Variants in UTP20 observed in about 807,000 individuals in gnomAD.
UTP20 encodes small subunit processome component 20 homolog.
In UTP20, 164 loss-of-function variants were observed where a neutral mutation model predicts 329.5. That is an observed-to-expected ratio of 0.50 (90% CI 0.44 to 0.57). The LOEUF (loss-of-function observed/expected upper bound fraction) is 0.57. UTP20 is among the 20% of genes least tolerant of loss of function. The pLI is 0.00. For missense variants in UTP20, 3,055 were observed against 3,284.2 expected, an observed-to-expected ratio of 0.93 and a Z score of 1.71; for synonymous variants, 1,151 against 1,159.3, an observed-to-expected ratio of 0.99 and a Z score of 0.14.
At position 101,314,658 on chromosome 12, in the gene UTP20, A is replaced by AG. The variant is rs200656435; in HGVS notation, c.2552+2382_2552+2383insG. On this transcript the variant is annotated intron_variant, in intron 21 of 61. Coordinates refer to ENST00000261637, the MANE Select transcript of UTP20 (RefSeq NM_014503.3). ...GGGCGACAGAGCGAGACTCTGTCTCAAAAAAAAAAAAGAAGCTCAAGAAAG... is the reference window on the plus strand; with the variant it reads ...GGGCGACAGAGCGAGACTCTGTCTCAGAAAAAAAAAAAGAAGCTCAAGAAAG... Among the ~76,000 whole-genome samples the AG allele has an allele frequency of 9.1e-5, 10 of 110,396 alleles. No individual in the cohort carries two copies. In the East Asian group the frequency reaches 6.6e-3, roughly 73 times the overall value. The allele number at this position is 110,396 out of a possible 152,430, so 72.4% of individuals were successfully genotyped here.
Position 101,373,725 on chromosome 12 carries a change from T to C in UTP20, c.7089T>C (p.Asp2363=). The change falls in exon 54 of 62, where the codon GAT becomes GAC. Residue 2363 remains aspartate (D), a synonymous_variant. Transcript: ENST00000261637. ...GTAAAATCAGCCTCGAGAAAAAAGATTGGCTGTTTGATATGGTTACCACTT... is the reference window on the plus strand; with the variant it reads ...GTAAAATCAGCCTCGAGAAAAAAGACTGGCTGTTTGATATGGTTACCACTT... ...LLGKISLEKK[D]WLFDMVTTWF... 1.2e-6 allele frequency: 2 copies of C among 1,611,726 alleles called. No homozygotes were observed. The highest frequency in any genetic ancestry group is 1.1e-5 in the South Asian group (1 of 90,222).
At chr12:101,377,704 A>T (rs7955776) in intron 56 of UTP20, among the ~76,000 whole-genome samples, 20,247 of 152,032 alleles carry the variant, frequency 0.13, 3,080 homozygotes, top group East Asian at 0.47. Context: ...TTGGGTCTCA[A>T]TGGAGTGGTG....
At chr12:101,368,028 T>C in intron 48 of UTP20, 52 bp downstream of exon 48, 1 of 1,297,298 alleles carries the variant, frequency 7.7e-7, no homozygotes, top group South Asian at 1.2e-5. Flanking sequence ...TCAGAAGAAC[T>C]ATGTTTTGCA....
At chr12:101,345,520 A>G (rs768335616) in intron 36 of UTP20, 34 bp from the exon 37 acceptor site, 1 of 1,349,550 alleles carries the variant, frequency 7.4e-7, no homozygotes, top group Non-Finnish European at 1.0e-6. Flanking sequence ...TTCTTTTTAA[A>G]ATAAAATGTT....
intron 14 of UTP20, among the ~76,000 whole-genome samples, chr12:101,301,322 C>G (rs1224116758): frequency 1.3e-5 from 2 of 148,220 alleles, no homozygotes; most frequent in Non-Finnish European, 3.0e-5. Flanking sequence ...GAGTTCAAGA[C>G]CAGCTTGGGA....
chr12:101,312,438 T>C (rs968402560), intron 21 of UTP20, among the ~76,000 whole-genome samples, 162 bp downstream of exon 21: 8 of 152,150 alleles, frequency 5.3e-5, no homozygotes, highest in Non-Finnish European at 1.2e-4. Context: ...TTTGTTTTTG[T>C]TTTTGTTTTG....
At chr12:101,327,384 G>A (rs1593434484) in intron 26 of UTP20, 137 bp downstream of exon 26, 2 of 858,898 alleles carry the variant, frequency 2.3e-6, no homozygotes, top group East Asian at 5.6e-5. Context: ...TCTTTTTGCT[G>A]AAGTGCAACT....
Position 101,334,515 on chromosome 12 carries a change from T to G in UTP20, c.3641+11T>G. On this transcript the variant is annotated intron_variant, in intron 29 of 61. Transcript: ENST00000261637. ...GAGCAGAAACGCAAGGTATAACCTT[T>G]CTTTTTTCCTTCTTTAAAAAGGGCA... 6.2e-7 allele frequency: 1 copy of G among 1,604,702 alleles called. No homozygotes were observed. Among genetic ancestry groups the G allele is most frequent in the South Asian group, 1.1e-5 (1 of 89,866 alleles).
At chr12:101,296,135 G>A (rs985172279) in intron 12 of UTP20, among the ~76,000 whole-genome samples, 1 of 152,238 alleles carries the variant, frequency 6.6e-6, no homozygotes, top group African/African-American at 2.4e-5. Context: ...ATCATCAGTT[G>A]TATGTGCACT....
rs749696639 is a variant in UTP20, at chr12:101,308,228, G to A, written c.2039G>A (p.Arg680His). The A allele has an allele frequency of 8.7e-6, 14 of 1,612,252 alleles. No homozygotes were observed. In the South Asian group the frequency reaches 8.8e-5, roughly 10 times the overall value. Reference protein sequence around the residue: ...SERQSVFAILRQAELVPATVN... With the variant: ...SERQSVFAILHQAELVPATVN... ...CGGCAGTCTGTCTTTGCTATATTAC[G>A]CCAGGCAGAACTTGTTCCAGCAACT... Residue 680 changes from arginine to histidine, a missense_variant, in exon 18 of 62, where the codon CGC becomes CAC. Coordinates refer to ENST00000261637, the MANE Select transcript of UTP20 (RefSeq NM_014503.3).
At position 101,290,189 on chromosome 12, in the gene UTP20, A is replaced by T. The variant is rs1225866719; in HGVS notation, c.650A>T (p.His217Leu). The change falls in exon 7 of 62, where the codon CAT (histidine) becomes CTT (leucine). Residue 217 changes from histidine to leucine, a missense_variant. By Grantham distance (99) the His-to-Leu change is moderately conservative. Coordinates refer to ENST00000261637, the MANE Select transcript of UTP20 (RefSeq NM_014503.3). ...TTAATGTTTCTTGATCTTGATAAAC[A>T]TCCAGAAAAAGTTGAAGGTGTTGGA... ...FNLMFLDLDK[H>L]PEKVEGVGQL... is the part of the protein sequence containing the mutation. 1 of 1,609,400 alleles carries T rather than the reference A, an allele frequency of 6.2e-7. No individual in the cohort carries two copies. Among genetic ancestry groups the T allele is most frequent in the Non-Finnish European group, 8.5e-7 (1 of 1,177,740 alleles).
chr12:101,343,338 T>A (rs34288712), intron 35 of UTP20, among the ~76,000 whole-genome samples: 19,623 of 152,126 alleles, frequency 0.13, 1,436 homozygotes, highest in Middle Eastern at 0.23. Context: ...AGTTATGTAT[T>A]AGAATAGGGA....
In UTP20 at chr12:101,356,938, A is replaced by T; in HGVS notation, c.5547A>T (p.Lys1849Asn). ...MEANLPSILL[K>N]VCALLKNRAQ... Reference sequence around the variant, plus strand: ...TCTCATTTTCTAGTATTTTGCTGAAAGTGTGTGCCCTACTCAAGAACAGAG... The same window carrying T: ...TCTCATTTTCTAGTATTTTGCTGAATGTGTGTGCCCTACTCAAGAACAGAG... The change falls in exon 43 of 62, where the codon AAA (lysine) becomes AAT (asparagine). Residue 1849 changes from lysine to asparagine, a missense_variant. Coordinates refer to ENST00000261637, the MANE Select transcript of UTP20 (RefSeq NM_014503.3). 1 of 1,601,734 alleles carries T rather than the reference A, an allele frequency of 6.2e-7. No homozygotes were observed. The highest frequency in any genetic ancestry group is 8.5e-7 in the Non-Finnish European group (1 of 1,176,896).
intron 45 of UTP20, among the ~76,000 whole-genome samples, chr12:101,364,583 A>G (rs1005800771): frequency 1.3e-5 from 2 of 152,214 alleles, no homozygotes; most frequent in African/African-American, 4.8e-5. Context: ...CCTGAAGATC[A>G]GGGAATGTAA....
chr12:101,283,217 A>T (rs1871854779), intron 2 of UTP20, among the ~76,000 whole-genome samples: 1 of 152,200 alleles, frequency 6.6e-6, no homozygotes, highest in Non-Finnish European at 1.5e-5. Flanking sequence ...AAGGCAGAGA[A>T]GACAGCCTGA....
At position 101,383,832 on chromosome 12, in the gene UTP20, T is replaced by TTA. The variant is rs67382207; in HGVS notation, c.8056+172_8056+173dup. Among the ~76,000 whole-genome samples the TTA allele has an allele frequency of 4.3e-3, 635 of 146,474 alleles. 5 individuals carry two copies. Among genetic ancestry groups the TTA allele is most frequent in the African/African-American group, 0.015 (590 of 39,802 alleles). On this transcript the variant is annotated intron_variant, in intron 60 of 61. Transcript: ENST00000261637. Reference sequence around the variant, plus strand: ...ATTATATACTTATATATGTTTATATTTATATATATACACACACACACACAC... The same window carrying TTA: ...ATTATATACTTATATATGTTTATATTTATATATATATACACACACACACACAC...
At chr12:101,309,719 T>A (rs766804395) in intron 18 of UTP20, 44 bp from the exon 19 acceptor site, 32 of 1,576,984 alleles carry the variant, frequency 2.0e-5, no homozygotes, top group Non-Finnish European at 2.7e-5. Flanking sequence ...TGTTCTATAC[T>A]GTATTTCATT....
chr12:101,324,857 A>C (rs1178755352), intron 25 of UTP20, among the ~76,000 whole-genome samples: 1 of 152,136 alleles, frequency 6.6e-6, no homozygotes, highest in Non-Finnish European at 1.5e-5. Context: ...GTAGTCTTTC[A>C]ATAAAGTGTT....
chr12:101,281,042 C>G (rs1871780195), intron 1 of UTP20, 74 bp from the exon 2 acceptor site: 1 of 1,261,598 alleles, frequency 7.9e-7, no homozygotes, highest in African/African-American at 1.5e-5. Context: ...TGCCTACATG[C>G]AGCATTCAAA....
Sources: gnomAD v4.1 joint callset for allele counts (sites outside exome capture counted in the v4.1 genomes callset) on GRCh38, gnomAD v4.1.1 for gene constraint, MANE v1.5 for transcripts, NCBI Gene and HGNC (gene_info 2026-07-23, HGNC 2026-07-21) for gene names.